The following DUSP14 variants were observed in gnomAD, a reference collection of about 807,000 sequenced individuals.
DUSP14 encodes the protein dual specificity phosphatase 14.
DUSP14 carries 5 observed loss-of-function variants against 13.2 expected under a neutral mutation model. The observed-to-expected ratio is 0.38, with a 90% CI of 0.20 to 0.80. The LOEUF is 0.80. Among genes scored for constraint, DUSP14 ranks in the 30% least tolerant of loss-of-function variants. DUSP14 has a pLI of 0.44. For missense variants in DUSP14, 185 were observed against 264.0 expected (o/e 0.70, Z 2.07); for synonymous variants, 91 against 103.4 (o/e 0.88, Z 0.73).
At chr17:37,510,359 G>A (rs1343543517) in intron 1 of DUSP14, 4 of 152,282 alleles carry the variant, frequency 2.6e-5, no homozygotes, top group Admixed American at 6.5e-5. Context: ...ATAGCCCACC[G>A]AGGAGGCAGC....
rs909291996 is a variant in DUSP14 at position 37,509,602 on chromosome 17, G to C, written c.-180-1075G>C. ...CTCCCAAAGTGTTGGGATTACAGGC[G>C]TGATCCACCACGCTTGGCCTATATA... is the stretch of plus-strand genomic sequence containing the variant. On this transcript the variant is annotated intron_variant, in intron 1 of 2. Transcript: ENST00000617516. 4.6e-5 allele frequency among the ~76,000 whole-genome samples: 7 copies of C among 151,866 alleles called. 1 individual carries two copies. Among genetic ancestry groups the C allele is most frequent in the Admixed American group, 2.6e-4 (4 of 15,228 alleles).
At chr17:37,511,938 C>CGGTTTTGTTTTTTTTTTTTTTTTTT in intron 2 of DUSP14, among the ~76,000 whole-genome samples, 1 of 38,254 alleles carries the variant, frequency 2.6e-5, no homozygotes. Flanking sequence ...CCCCACCCCA[C>CGGTTTTGTTTTTTTTTTTTTTTTTT]TTTTTTTTTT....
chr17:37,512,618 AG>A lies in DUSP14; in HGVS notation c.347del (p.Ser116ThrfsTer11), dbSNP rs1248512407. ...ATLVHCAAGV[S>X]RSATLCIAYL... ...CTTGGTGCACTGTGCTGCAGGGGTG[AG>A]CCGCTCAGCCACGCTGTGTATCGCG... On this transcript the variant is annotated frameshift_variant, in exon 3 of 3. Coordinates refer to ENST00000617516, the MANE Select transcript of DUSP14 (RefSeq NM_007026.4). LOFTEE classifies it high-confidence loss of function. The surrounding 1 kb of genome is among the most constrained non-coding windows in gnomAD (Gnocchi z 4.8). The A allele has an allele frequency of 6.2e-7, 1 of 1,613,258 alleles. No individual in the cohort carries two copies. Among genetic ancestry groups the A allele is most frequent in the Non-Finnish European group, 8.5e-7 (1 of 1,179,278 alleles).
intron 1 of DUSP14, among the ~76,000 whole-genome samples, chr17:37,504,676 C>T (rs1283439355): frequency 6.6e-6 from 1 of 152,158 alleles, no homozygotes; most frequent in Non-Finnish European, 1.5e-5. Flanking sequence ...TTCCCAGACT[C>T]AAGTGACCTC....
At chr17:37,495,110 G>A (rs1397043386) in intron 1 of DUSP14, among the ~76,000 whole-genome samples, 1 of 152,162 alleles carries the variant, frequency 6.6e-6, no homozygotes, top group Non-Finnish European at 1.5e-5. Context: ...GAGCCCTGTC[G>A]TGTTCTTTGT....
chr17:37,509,272 T>G (rs1413402667), intron 1 of DUSP14, among the ~76,000 whole-genome samples: 5 of 29,020 alleles, frequency 1.7e-4, no homozygotes, highest in African/African-American at 6.3e-4. Flanking sequence ...TATATATATA[T>G]ATATATATAT....
At chr17:37,495,909 C>T (rs1246243743) in intron 1 of DUSP14, among the ~76,000 whole-genome samples, 4 of 152,136 alleles carry the variant, frequency 2.6e-5, no homozygotes, top group Non-Finnish European at 5.9e-5. Flanking sequence ...CCACCTGCCT[C>T]GGACCCCCAA....
At chr17:37,498,654 C>G (rs987656571) in intron 1 of DUSP14, among the ~76,000 whole-genome samples, 2 of 148,034 alleles carry the variant, frequency 1.4e-5, no homozygotes, top group African/African-American at 2.5e-5. Flanking sequence ...CAAATGACTA[C>G]TGTATTATAT....
At position 37,502,663 on chromosome 17, in the gene DUSP14, CT is replaced by C. The variant is rs567031422; in HGVS notation, c.-180-8013del. Among the ~76,000 whole-genome samples the C allele has an allele frequency of 1.7e-3, 259 of 152,120 alleles. 1 individual carries two copies. Among genetic ancestry groups the C allele is most frequent in the African/African-American group, 5.3e-3 (221 of 41,488 alleles). On this transcript the variant is annotated intron_variant, in intron 1 of 2. Transcript: ENST00000617516. ...TAATAAAGTATCTCTACTTACATAT[CT>C]AGTGGTTGAGCTTGGGTATCAGCTG...
rs1186363230 is a variant in DUSP14, at chr17:37,512,623, C to T, written c.351C>T (p.Arg117=). 3 of 1,613,092 alleles carry T rather than the reference C, an allele frequency of 1.9e-6. No individual in the cohort carries two copies. The highest frequency in any genetic ancestry group is 1.3e-5 in the African/African-American group (1 of 75,048). ...TGCACTGTGCTGCAGGGGTGAGCCG[C>T]TCAGCCACGCTGTGTATCGCGTACC... ...TLVHCAAGVS[R]SATLCIAYLM... The change falls in exon 3 of 3, where the codon CGC becomes CGT. Residue 117 remains arginine, a synonymous_variant. Coordinates refer to ENST00000617516, the MANE Select transcript of DUSP14 (RefSeq NM_007026.4). The surrounding 1 kb of genome is among the most constrained non-coding windows in gnomAD (Gnocchi z 4.8).
rs536194041 is a variant in DUSP14, at chr17:37,512,342, A to G, written c.70A>G (p.Ile24Val). ...CCCTCGGATGATTTCCGAGGGAGAC[A>G]TAGGAGGCATTGCTCAAATCACCTC... ...MAPRMISEGDIGGIAQITSSL... is the reference protein window; with the variant it reads ...MAPRMISEGDVGGIAQITSSL... Residue 24 changes from isoleucine (I) to valine (V), a missense_variant, in exon 3 of 3, where the codon ATA becomes GTA. Coordinates refer to ENST00000617516, the MANE Select transcript of DUSP14 (RefSeq NM_007026.4). This position sits in a 1 kb window ranked among gnomAD's most constrained non-coding sequence, Gnocchi z 4.8. The G allele has an allele frequency of 1.9e-6, 3 of 1,614,088 alleles. No individual in the cohort carries two copies. Among genetic ancestry groups the G allele is most frequent in the South Asian group, 1.1e-5 (1 of 91,076 alleles).
intron 1 of DUSP14, among the ~76,000 whole-genome samples, chr17:37,499,540 G>GT (rs1232745063): frequency 1.3e-5 from 2 of 151,570 alleles, no homozygotes; most frequent in African/African-American, 4.8e-5. Flanking sequence ...TTTGTTTTTT[G>GT]TTTTTTGAGA....
At chr17:37,497,790 C>T (rs149696436) in intron 1 of DUSP14, among the ~76,000 whole-genome samples, 63 of 151,632 alleles carry the variant, frequency 4.2e-4, no homozygotes, top group African/African-American at 1.2e-3. Context: ...TGGCCCATGC[C>T]TACAATCCCA....
At chr17:37,509,135 A>ATATATATG (rs1568204456) in intron 1 of DUSP14, among the ~76,000 whole-genome samples, 19 of 38,956 alleles carry the variant, frequency 4.9e-4, no homozygotes, top group East Asian at 4.1e-3. Context: ...ATATACACAC[A>ATATATATG]CACACACACA....
chr17:37,506,709 T>A (rs1401290856), intron 1 of DUSP14, among the ~76,000 whole-genome samples: 1 of 152,182 alleles, frequency 6.6e-6, no homozygotes, highest in Non-Finnish European at 1.5e-5. Flanking sequence ...ACTGATCTGA[T>A]CTGAGAACTG....
At chr17:37,505,038 C>G (rs572531707) in intron 1 of DUSP14, among the ~76,000 whole-genome samples, 2 of 152,244 alleles carry the variant, frequency 1.3e-5, no homozygotes, top group African/African-American at 4.8e-5. Flanking sequence ...ATTCCAGGTG[C>G]ACACCACTAT....
upstream of DUSP14, among the ~76,000 whole-genome samples, chr17:37,488,853 T>G (rs1483667526): frequency 2.0e-5 from 3 of 152,130 alleles, no homozygotes; most frequent in Admixed American, 2.0e-4. Flanking sequence ...AAACGCGGGT[T>G]TTACTTCTCC....
chr17:37,507,991 A>G lies in DUSP14; in HGVS notation c.-180-2686A>G, dbSNP rs116657014. Among the ~76,000 whole-genome samples, 1,075 of 152,286 alleles carry G rather than the reference A, an allele frequency of 7.1e-3. 5 individuals are homozygous for G. The highest frequency in any genetic ancestry group is 0.024 in the African/African-American group (1,005 of 41,554). On this transcript the variant is annotated intron_variant, in intron 1 of 2. Transcript: ENST00000617516. ...CTGCCCTGTTCATAGTTTACATCCA[A>G]TGCACACACACGCAGTTTCCTTATG...
intron 1 of DUSP14, among the ~76,000 whole-genome samples, chr17:37,497,897 T>A (rs2054076422): frequency 6.6e-6 from 1 of 151,940 alleles, no homozygotes; most frequent in Non-Finnish European, 1.5e-5. Flanking sequence ...CTACAAAAAA[T>A]TAGCCAGGCA....
Sources: gnomAD v4.1 joint callset for allele counts (sites outside exome capture counted in the v4.1 genomes callset) on GRCh38, gnomAD v4.1.1 for gene constraint, Gnocchi (gnomAD v3.1) non-coding constraint, MANE v1.5 for transcripts, NCBI Gene and HGNC (gene_info 2026-07-23, HGNC 2026-07-21) for gene names.